SVIL: variants seen among roughly 807,000 people sequenced by gnomAD.
SVIL encodes the protein supervillin.
Under a neutral mutation model 240.4 loss-of-function variants are expected in SVIL, and 101 were observed. The observed-to-expected ratio is 0.42, with a 90% CI of 0.36 to 0.50. SVIL has a LOEUF of 0.50. Ranked by LOEUF, SVIL falls within the 20% of genes least tolerant of loss-of-function variation. SVIL has a pLI of 0.01. For synonymous variants in SVIL, 999 were observed against 1,100.0 expected (o/e 0.91, Z 1.82); for missense variants, 2,512 against 2,818.7 (o/e 0.89, Z 2.46).
At chr10:29,650,372 A>G (rs888275091) in intron 3 of SVIL, among the ~76,000 whole-genome samples, 1 of 152,198 alleles carries the variant, frequency 6.6e-6, no homozygotes, top group African/African-American at 2.4e-5. Context: ...GGTTTCTGAA[A>G]AGCATCTGTG....
At chr10:29,516,006 A>G (rs1380581428) in intron 16 of SVIL, among the ~76,000 whole-genome samples, 1 of 152,066 alleles carries the variant, frequency 6.6e-6, no homozygotes, top group Non-Finnish European at 1.5e-5. Flanking sequence ...AATTCCATTG[A>G]CTGAGGTCAC....
intron 1 of SVIL, among the ~76,000 whole-genome samples, chr10:29,582,612 G>C (rs967195721): frequency 3.3e-5 from 5 of 152,008 alleles, no homozygotes; most frequent in African/African-American, 1.2e-4. Flanking sequence ...TGATGGTGTA[G>C]TTCCAGCCAC....
chr10:29,609,156 T>C lies in SVIL; in HGVS notation c.-201+25264A>G, dbSNP rs116289543. 8.6e-3 allele frequency among the ~76,000 whole-genome samples: 1,317 copies of C among 152,320 alleles called. 8 individuals are homozygous for C. Among genetic ancestry groups the C allele is most frequent in the African/African-American group, 0.024 (1,009 of 41,576 alleles). On this transcript the variant is annotated intron_variant, in intron 1 of 37. Coordinates refer to ENST00000355867, the MANE Select transcript of SVIL (RefSeq NM_021738.3). ...TGCCTTGTTCACCCAGTTGTCTGCA[T>C]AACCTCATTCTTCCTAGACACAGGA...
In SVIL at chr10:29,551,221, T is replaced by C. The variant is rs758235656; in HGVS notation, c.203A>G (p.Glu68Gly). The change falls in exon 6 of 38, where the codon GAA becomes GGA. Residue 68 changes from glutamate (E) to glycine (G), a missense_variant. By Grantham distance (98) the Glu-to-Gly change is moderately conservative (BLOSUM62 -2). Coordinates refer to ENST00000355867, the MANE Select transcript of SVIL (RefSeq NM_021738.3). The part of the protein sequence containing the change: ...EEEETSDSSL[E>G]KQTRSKYCTE... The stretch of plus-strand genomic sequence containing the variant: ...GCAGTATTTGGATCGAGTTTGCTTT[T>C]CTAGAGAAGAATCAGAAGTTTCCTC... 1.2e-6 allele frequency: 2 copies of C among 1,608,428 alleles called. No homozygotes were observed. The highest frequency in any genetic ancestry group is 2.2e-5 in the South Asian group (2 of 90,200).
Position 29,486,249 on chromosome 10 carries a change from A to C in SVIL, c.4634-19T>G. ...CCAGCAGCTTGGGGATAAGAAGAAC[A>C]GGAGAGCATCACATTTTACATTGCA... On this transcript the variant is annotated intron_variant, in intron 25 of 37. Coordinates refer to ENST00000355867, the MANE Select transcript of SVIL (RefSeq NM_021738.3). The C allele has an allele frequency of 3.7e-6, 6 of 1,613,432 alleles. No individual in the cohort carries two copies. Among genetic ancestry groups the C allele is most frequent in the Non-Finnish European group, 5.1e-6 (6 of 1,179,426 alleles).
At chr10:29,513,570 T>C (rs1159955970) in intron 16 of SVIL, among the ~76,000 whole-genome samples, 1 of 152,106 alleles carries the variant, frequency 6.6e-6, no homozygotes, top group African/African-American at 2.4e-5. Flanking sequence ...CATAAAGCCA[T>C]GAAGCACTTA....
At chr10:29,667,734 T>A (rs1035185988) in intron 2 of SVIL, among the ~76,000 whole-genome samples, 2 of 151,948 alleles carry the variant, frequency 1.3e-5, no homozygotes, top group East Asian at 3.9e-4. Flanking sequence ...GTGCGCCTAC[T>A]GTCCTAGCTA....
intron 1 of SVIL, among the ~76,000 whole-genome samples, chr10:29,593,150 CTTG>C (rs1338687811): frequency 1.3e-5 from 2 of 150,872 alleles, no homozygotes; most frequent in Non-Finnish European, 2.9e-5. Flanking sequence ...TTAGAGAATA[CTTG>C]TTGAAAAAAA....
chr10:29,727,994 A>G (rs1300077929), intron 1 of SVIL, among the ~76,000 whole-genome samples: 1 of 152,172 alleles, frequency 6.6e-6, no homozygotes, highest in Non-Finnish European at 1.5e-5. Context: ...TTCCTTAATC[A>G]AGTCAATCTG....
At chr10:29,493,129 T>C in intron 21 of SVIL, 85 bp downstream of exon 21, 2 of 1,440,208 alleles carry the variant, frequency 1.4e-6, no homozygotes, top group Non-Finnish European at 1.9e-6. Flanking sequence ...GAGGCCACAC[T>C]GGGGGAAAAG....
intron 8 of SVIL, 68 bp downstream of exon 8, chr10:29,532,461 G>A (rs755905538): frequency 4.1e-4 from 626 of 1,541,276 alleles, no homozygotes; most frequent in Non-Finnish European, 5.1e-4. Context: ...AACACAGGTC[G>A]AGGAGTGAAT....
At chr10:29,498,948 C>T (rs1377154298) in intron 18 of SVIL, among the ~76,000 whole-genome samples, 168 bp downstream of exon 18, 1 of 152,156 alleles carries the variant, frequency 6.6e-6, no homozygotes, top group African/African-American at 2.4e-5. Context: ...GCCACTGCAC[C>T]CCAGCCTAGG....
chr10:29,462,482 T>C (rs1173118788), intron 35 of SVIL, 81 bp from the exon 36 acceptor site: 1 of 1,550,542 alleles, frequency 6.4e-7, no homozygotes, highest in Non-Finnish European at 8.7e-7. Context: ...TCTTTTCTTC[T>C]TTGCCAGAAC....
Position 29,512,749 on chromosome 10 carries a change from A to G in SVIL, c.3502T>C (p.Ser1168Pro). Residue 1168 changes from serine to proline, a missense_variant, in exon 17 of 38, where the codon TCC (serine) becomes CCC (proline). Around this residue, in one of 3 missense-constraint regions of SVIL, gnomAD observed 1,443 missense variants for 1,486.6 expected, o/e 0.97. Coordinates refer to ENST00000355867, the MANE Select transcript of SVIL (RefSeq NM_021738.3). ...SSLHTQEAGR[S>P]LIKKRVTESR... Reference sequence around the variant, plus strand: ...GGGAATGTTACCTTCTTGATGAGGGACCGCCCTGCTTCCTGGGTGTGCAGG... The same window carrying G: ...GGGAATGTTACCTTCTTGATGAGGGGCCGCCCTGCTTCCTGGGTGTGCAGG... 1 of 1,614,072 alleles carries G rather than the reference A, an allele frequency of 6.2e-7. No individual in the cohort carries two copies. Among genetic ancestry groups the G allele is most frequent in the Middle Eastern group, 1.7e-4 (1 of 5,950 alleles).
Position 29,526,955 on chromosome 10 carries a change from C to T in SVIL, c.2342+6G>A, listed in dbSNP as rs1225863043. The T allele has an allele frequency of 2.5e-6, 4 of 1,590,256 alleles. No homozygotes were observed. The highest frequency in any genetic ancestry group is 1.2e-5 in the South Asian group (1 of 86,724). ...GGTGCCGCATGCATCTGTATCTGTCCAGTACCTGGCAGGCTGCACAGCGCT... is the reference window on the plus strand; with the variant it reads ...GGTGCCGCATGCATCTGTATCTGTCTAGTACCTGGCAGGCTGCACAGCGCT... On this transcript the variant is annotated splice_donor_region_variant and intron_variant, in intron 13 of 37. Coordinates refer to ENST00000355867, the MANE Select transcript of SVIL (RefSeq NM_021738.3).
rs1283023835 is a variant in SVIL, at chr10:29,529,819, T to C, written c.2132A>G (p.Gln711Arg). The C allele has an allele frequency of 3.1e-6, 5 of 1,611,454 alleles. No individual in the cohort carries two copies. Among genetic ancestry groups the C allele is most frequent in the Non-Finnish European group, 4.2e-6 (5 of 1,179,280 alleles). The change falls in exon 12 of 38, where the codon CAA becomes CGA. Residue 711 changes from glutamine to arginine, a missense_variant. Transcript: ENST00000355867. ...FREMEKSFDE[Q>R]NVPKRRSRNT... ...TCTTGAGCGTCGCTTTGGAACATTT[T>C]GTTCATCAAAAGATTTTTCCATCTC...
chr10:29,710,670 C>G (rs12244918), intron 1 of SVIL, among the ~76,000 whole-genome samples: 66 of 152,224 alleles, frequency 4.3e-4, no homozygotes, highest in African/African-American at 1.5e-3. Flanking sequence ...CAGCATGTGC[C>G]TTTTCAAATC....
chr10:29,661,314 C>T (rs1365642562), intron 2 of SVIL, among the ~76,000 whole-genome samples: 1 of 152,054 alleles, frequency 6.6e-6, no homozygotes, highest in Non-Finnish European at 1.5e-5. Context: ...AGCTTTCATG[C>T]AGTCAGGATC....
At chr10:29,513,183 A>G (rs1949974587) in intron 16 of SVIL, among the ~76,000 whole-genome samples, 1 of 152,216 alleles carries the variant, frequency 6.6e-6, no homozygotes, top group Non-Finnish European at 1.5e-5. Flanking sequence ...GTCCCCAGAG[A>G]AAAATGTCTT....
Sources: allele counts gnomAD v4.1 joint callset (sites outside exome capture counted in the v4.1 genomes callset), GRCh38; gene constraint gnomAD v4.1.1; regional missense constraint gnomAD v4.1.1; transcripts MANE v1.5; gene names NCBI Gene and HGNC (gene_info 2026-07-23, HGNC 2026-07-21).